RANBP2: variants seen among roughly 807,000 people sequenced by gnomAD.
The protein encoded by RANBP2 is E3 SUMO-protein ligase RanBP2.
Under a neutral mutation model 303.6 loss-of-function variants are expected in RANBP2, and 57 were observed. The observed-to-expected ratio is 0.19, with a 90% CI of 0.15 to 0.23. The LOEUF is 0.23. Among genes scored for constraint, RANBP2 ranks in the 10% least tolerant of loss-of-function variants. The probability of loss-of-function intolerance (pLI) is 1.00; values close to 1 mark genes in which losing one functional copy is unlikely to be tolerated. For missense variants in RANBP2, 3,138 were observed against 3,780.8 expected (o/e 0.83, Z 4.46); for synonymous variants, 1,167 against 1,301.5 (o/e 0.90, Z 2.23).
the RANBP2 span, among the ~76,000 whole-genome samples, chr2:109,269,339 G>A: frequency 6.6e-6 from 1 of 152,188 alleles, no homozygotes; most frequent in Non-Finnish European, 1.5e-5. Flanking sequence ...TTCCCCCCGG[G>A]AGAACAGAGG....
At chr2:108,743,220 T>A (rs998953384) in intron 7 of RANBP2, among the ~76,000 whole-genome samples, 9 of 152,194 alleles carry the variant, frequency 5.9e-5, no homozygotes, top group Admixed American at 3.9e-4. Context: ...GGGCTCAAGC[T>A]TCCCAGAGTG....
At chr2:108,794,033 G>C in the RANBP2 span, among the ~76,000 whole-genome samples, 1 of 152,136 alleles carries the variant, frequency 6.6e-6, no homozygotes, top group Non-Finnish European at 1.5e-5. Context: ...AGGATATACA[G>C]TGAAGATTTG....
the RANBP2 span, among the ~76,000 whole-genome samples, chr2:109,372,848 G>T: frequency 6.6e-6 from 1 of 152,166 alleles, no homozygotes; most frequent in Non-Finnish European, 1.5e-5. Flanking sequence ...CGGGTGACAC[G>T]GCCAGCTTTG....
chr2:109,153,970 C>G, the RANBP2 span, among the ~76,000 whole-genome samples: 1 of 152,206 alleles, frequency 6.6e-6, no homozygotes. Context: ...GACCACAGAG[C>G]ATTAAGCCAA....
chr2:109,697,778 G>A, the RANBP2 span, among the ~76,000 whole-genome samples: 664 of 151,834 alleles, frequency 4.4e-3, no homozygotes, highest in Admixed American at 0.01. Context: ...ATTAGAAGTG[G>A]TGAGAGAAAA....
At chr2:109,129,389 C>T in the RANBP2 span, 1 of 1,331,168 alleles carries the variant, frequency 7.5e-7, no homozygotes, top group African/African-American at 1.5e-5. Flanking sequence ...CCACTTCGCA[C>T]CGCCACAGCC....
At chr2:109,208,958 G>T in the RANBP2 span, among the ~76,000 whole-genome samples, 111 of 152,336 alleles carry the variant, frequency 7.3e-4, no homozygotes, top group East Asian at 0.021. Flanking sequence ...GGTGTCTTTG[G>T]CCATGGGCAG....
At chr2:108,918,841 G>T in the RANBP2 span, among the ~76,000 whole-genome samples, 8 of 152,190 alleles carry the variant, frequency 5.3e-5, no homozygotes, top group African/African-American at 1.4e-4. Context: ...GAGGGTAAAA[G>T]ATTGCATTTT....
At chr2:109,389,480 C>T in the RANBP2 span, among the ~76,000 whole-genome samples, 2 of 152,138 alleles carry the variant, frequency 1.3e-5, no homozygotes, top group African/African-American at 4.8e-5. Flanking sequence ...ACTTCCATAC[C>T]ACATGGACGC....
intron 22 of RANBP2, 143 bp from the exon 23 acceptor site, chr2:108,772,725 T>C (rs1360259702): frequency 8.2e-7 from 1 of 1,219,168 alleles, no homozygotes; most frequent in East Asian, 2.5e-5. Context: ...GGTGAAAATA[T>C]TCTTTTCTGG....
At chr2:109,536,464 C>T in the RANBP2 span, among the ~76,000 whole-genome samples, 4 of 152,292 alleles carry the variant, frequency 2.6e-5, no homozygotes, top group African/African-American at 4.8e-5. Flanking sequence ...CCAATTTTCT[C>T]GCATTTGGAA....
the RANBP2 span, among the ~76,000 whole-genome samples, chr2:109,139,402 C>T: frequency 1.1e-3 from 165 of 152,002 alleles, no homozygotes; most frequent in Non-Finnish European, 2.1e-3. Context: ...TAAACATGTG[C>T]AGTATGAAAG....
intron 4 of RANBP2, among the ~76,000 whole-genome samples, chr2:108,732,869 G>A (rs1450883548): frequency 1.3e-5 from 2 of 152,116 alleles, no homozygotes; most frequent in Non-Finnish European, 2.9e-5. Flanking sequence ...TATTGCCCAG[G>A]TTAGAGTTCA....
intron 7 of RANBP2, among the ~76,000 whole-genome samples, chr2:108,745,385 C>T (rs1696427398): frequency 6.8e-6 from 1 of 147,228 alleles, no homozygotes; most frequent in Non-Finnish European, 1.5e-5. Flanking sequence ...TATGACTGGA[C>T]GTTTTCAGTG....
chr2:109,647,659 G>C, the RANBP2 span, among the ~76,000 whole-genome samples: 1 of 151,062 alleles, frequency 6.6e-6, no homozygotes, highest in Non-Finnish European at 1.5e-5. Context: ...TGGTAGAGAT[G>C]GGGTTTCACT....
the RANBP2 span, among the ~76,000 whole-genome samples, chr2:109,325,720 A>G: frequency 6.6e-6 from 1 of 152,176 alleles, no homozygotes; most frequent in African/African-American, 2.4e-5. Flanking sequence ...AGGCATCACT[A>G]CATGTTCCTT....
the RANBP2 span, chr2:108,873,446 T>C: frequency 6.3e-7 from 1 of 1,582,754 alleles, no homozygotes; most frequent in Non-Finnish European, 8.6e-7. Context: ...TGATTTGTTT[T>C]GCAGAATCCT....
At chr2:109,400,112 A>G in the RANBP2 span, among the ~76,000 whole-genome samples, 2 of 152,362 alleles carry the variant, frequency 1.3e-5, no homozygotes, top group Admixed American at 1.3e-4. Context: ...AACTCAGACA[A>G]CTTTACACAC....
the RANBP2 span, among the ~76,000 whole-genome samples, chr2:109,403,404 T>C: frequency 9.2e-5 from 14 of 152,364 alleles, no homozygotes; most frequent in Middle Eastern, 3.4e-3. Context: ...GTTCATTGTT[T>C]CCACTTCAGA....
Sources: gnomAD v4.1 joint callset for allele counts (sites outside exome capture counted in the v4.1 genomes callset) on GRCh38, gnomAD v4.1.1 for gene constraint, MANE v1.5 for transcripts, NCBI Gene and HGNC (gene_info 2026-07-23, HGNC 2026-07-21) for gene names.